Variants in VPS13B observed in about 807,000 individuals in gnomAD.
VPS13B encodes vacuolar protein sorting 13 homolog B, also known as intermembrane lipid transfer protein VPS13B.
A neutral mutation model predicts 426.4 loss-of-function variants in VPS13B; 285 were observed. The ratio of observed to expected loss-of-function variants is 0.67; its 90% CI spans 0.61 to 0.74. The LOEUF is 0.74. Among genes scored for constraint, VPS13B ranks in the 30% least tolerant of loss-of-function variants. VPS13B has a pLI of 0.00. For synonymous variants in VPS13B, 1,676 were observed against 1,676.4 expected (o/e 1.00, Z 0.01); for missense variants, 4,537 against 4,782.6 (o/e 0.95, Z 1.51).
At chr8:99,765,365 TTGG>T (rs970991790) in intron 39 of VPS13B, among the ~76,000 whole-genome samples, 2 of 152,218 alleles carry the variant, frequency 1.3e-5, no homozygotes, top group African/African-American at 4.8e-5. Context: ...TCTTTGAGTA[TTGG>T]TGAAGTTGAG....
chr8:99,579,045 T>C (rs1825916095), intron 33 of VPS13B, among the ~76,000 whole-genome samples: 1 of 152,184 alleles, frequency 6.6e-6, no homozygotes, highest in Admixed American at 6.5e-5. Context: ...TTAGAGATCA[T>C]ATTACAAGTA....
chr8:99,535,993 A>G lies in VPS13B; in HGVS notation c.4745+14983A>G, dbSNP rs189626648. ...AGATGGAGTTTTGCTCTTTTTGCCC[A>G]GAGTGGATTGTAATGGCACGATCTT... is the stretch of plus-strand genomic sequence containing the variant. On this transcript the variant is annotated intron_variant, in intron 30 of 61. Transcript: ENST00000357162. Among the ~76,000 whole-genome samples, 33 of 148,914 alleles carry G rather than the reference A, an allele frequency of 2.2e-4. No homozygotes were observed. In the Admixed American group the frequency reaches 2.2e-3, roughly 10 times the overall value.
chr8:99,433,236 C>T (rs1197604482), intron 22 of VPS13B, among the ~76,000 whole-genome samples: 1 of 152,134 alleles, frequency 6.6e-6, no homozygotes, highest in East Asian at 1.9e-4. Flanking sequence ...TTATCTTCAC[C>T]CACCATGGGA....
intron 17 of VPS13B, 122 bp from the exon 18 acceptor site, chr8:99,274,076 A>T: frequency 7.3e-7 from 1 of 1,375,182 alleles, no homozygotes; most frequent in Non-Finnish European, 1.0e-6. Flanking sequence ...ACCTAACACA[A>T]ATACTGTAAG....
At chr8:99,727,547 G>C (rs1833401248) in intron 39 of VPS13B, among the ~76,000 whole-genome samples, 1 of 152,182 alleles carries the variant, frequency 6.6e-6, no homozygotes, top group Non-Finnish European at 1.5e-5. Flanking sequence ...TACATGGATG[G>C]CAGCAGGCAA....
At chr8:99,598,893 A>T (rs1339495666) in intron 33 of VPS13B, among the ~76,000 whole-genome samples, 1 of 151,930 alleles carries the variant, frequency 6.6e-6, no homozygotes, top group Admixed American at 6.6e-5. Context: ...ATGATTTTTT[A>T]AAGTAAAATC....
chr8:99,156,852 G>A, intron 15 of VPS13B, 109 bp downstream of exon 15: 2 of 1,003,932 alleles, frequency 2.0e-6, no homozygotes, highest in South Asian at 1.5e-5. Flanking sequence ...TACTCTAAAA[G>A]GTAAGATTTA....
At chr8:99,270,588 T>A (rs937962506) in intron 17 of VPS13B, among the ~76,000 whole-genome samples, 1 of 152,204 alleles carries the variant, frequency 6.6e-6, no homozygotes, top group Non-Finnish European at 1.5e-5. Context: ...ATAAAATAAT[T>A]CTAAAGAAAC....
chr8:99,471,780 T>C (rs1035633305), intron 24 of VPS13B, among the ~76,000 whole-genome samples: 1 of 152,142 alleles, frequency 6.6e-6, no homozygotes, highest in Non-Finnish European at 1.5e-5. Context: ...GTTTCTGCCA[T>C]GCTACACCTG....
intron 39 of VPS13B, among the ~76,000 whole-genome samples, chr8:99,741,179 C>A (rs1416810016): frequency 1.3e-5 from 2 of 152,134 alleles, no homozygotes; most frequent in African/African-American, 4.8e-5. Context: ...CAATCCTAGT[C>A]TCTGATAAAA....
At chr8:99,861,724 G>C in intron 57 of VPS13B, 52 bp from the exon 58 acceptor site, 1 of 1,559,056 alleles carries the variant, frequency 6.4e-7, no homozygotes, top group Non-Finnish European at 8.7e-7. Flanking sequence ...ACTGCCTTGG[G>C]GTCCATCATG....
intron 23 of VPS13B, among the ~76,000 whole-genome samples, chr8:99,447,469 T>A (rs968597814): frequency 6.6e-6 from 1 of 152,218 alleles, no homozygotes; most frequent in Non-Finnish European, 1.5e-5. Flanking sequence ...TATTATTTTC[T>A]GCACTGTGAG....
At chr8:99,696,197 C>A in intron 35 of VPS13B, 1 of 177,730 alleles carries the variant, frequency 5.6e-6, no homozygotes, top group South Asian at 1.3e-4. Context: ...CTCTTCACGC[C>A]GTGTCTCTGA....
chr8:99,283,743 A>C (rs1050985754), intron 19 of VPS13B, among the ~76,000 whole-genome samples: 2 of 152,210 alleles, frequency 1.3e-5, no homozygotes, highest in African/African-American at 4.8e-5. Context: ...AAGGGGAGCA[A>C]ATGTTAAAGA....
chr8:99,061,037 C>G (rs887736264), intron 3 of VPS13B, among the ~76,000 whole-genome samples: 2 of 152,202 alleles, frequency 1.3e-5, no homozygotes, highest in East Asian at 3.9e-4. Flanking sequence ...TAATTTATGT[C>G]TAAATGCTGC....
At chr8:99,101,693 A>C (rs1846759647) in intron 4 of VPS13B, among the ~76,000 whole-genome samples, 1 of 152,192 alleles carries the variant, frequency 6.6e-6, no homozygotes, top group African/African-American at 2.4e-5. Flanking sequence ...GTTGTATTAC[A>C]TTTCTTTCCT....
At chr8:99,449,646 G>A (rs1484032488) in intron 23 of VPS13B, among the ~76,000 whole-genome samples, 1 of 152,050 alleles carries the variant, frequency 6.6e-6, no homozygotes, top group Non-Finnish European at 1.5e-5. Context: ...AAACTGTGAG[G>A]AAAAACTGTG....
chr8:99,370,281 A>T (rs1042572630), intron 19 of VPS13B, among the ~76,000 whole-genome samples: 1 of 152,186 alleles, frequency 6.6e-6, no homozygotes, highest in African/African-American at 2.4e-5. Context: ...AATGTGATAT[A>T]AAAGAATGGG....
At chr8:99,810,021 T>C (rs140544888) in intron 44 of VPS13B, among the ~76,000 whole-genome samples, 1 of 152,296 alleles carries the variant, frequency 6.6e-6, no homozygotes, top group Non-Finnish European at 1.5e-5. Context: ...GGAGTTAATA[T>C]TAACTGCAGT....
Sources: gnomAD v4.1 joint callset for allele counts (sites outside exome capture counted in the v4.1 genomes callset) on GRCh38, gnomAD v4.1.1 for gene constraint, MANE v1.5 for transcripts, NCBI Gene and HGNC (gene_info 2026-07-23, HGNC 2026-07-21) for gene names.